Variants in SGCZ observed in about 807,000 individuals in gnomAD.
SGCZ encodes sarcoglycan zeta, also known as zeta-sarcoglycan.
SGCZ carries 40 observed loss-of-function variants against 41.3 expected under a neutral mutation model. That is an observed-to-expected ratio of 0.97 (90% CI 0.75 to 1.26). The LOEUF (loss-of-function observed/expected upper bound fraction) is 1.26, where lower values mean the gene tolerates loss of function less well. SGCZ is among the 50% of genes most tolerant of loss of function. SGCZ has a pLI of 0.00. For synonymous variants in SGCZ, 206 were observed against 137.5 expected, an observed-to-expected ratio of 1.50 and a Z score of -3.49; for missense variants, 552 against 369.8, an observed-to-expected ratio of 1.49 and a Z score of -4.04.
At chr8:14,165,504 G>A (rs1422079333) in intron 4 of SGCZ, 3 of 152,040 alleles carry the variant, frequency 2.0e-5, no homozygotes, top group African/African-American at 4.8e-5. Flanking sequence ...TGAGGAGGAA[G>A]AAATTTGAGA....
intron 1 of SGCZ, among the ~76,000 whole-genome samples, chr8:14,595,028 G>C (rs10101639): frequency 6.6e-6 from 1 of 150,546 alleles, no homozygotes; most frequent in Admixed American, 6.6e-5. Flanking sequence ...AAAATACTTC[G>C]TCTAATACTT....
intron 1 of SGCZ, among the ~76,000 whole-genome samples, chr8:14,624,730 C>A (rs1172625032): frequency 1.3e-5 from 2 of 151,456 alleles, no homozygotes; most frequent in African/African-American, 2.4e-5. Flanking sequence ...GCCACCACAC[C>A]CAGCTAATTT....
At chr8:14,561,019 G>T (rs141152988) in intron 1 of SGCZ, among the ~76,000 whole-genome samples, 1 of 151,992 alleles carries the variant, frequency 6.6e-6, no homozygotes, top group African/African-American at 2.4e-5. Flanking sequence ...GTAAGAAAAG[G>T]TTAGACTTTT....
intron 1 of SGCZ, among the ~76,000 whole-genome samples, chr8:15,103,597 G>T (rs1438841533): frequency 6.6e-6 from 1 of 152,060 alleles, no homozygotes; most frequent in East Asian, 1.9e-4. Flanking sequence ...TCTAAGCCAA[G>T]TCAAACTAGA....
At chr8:14,623,574 T>C (rs915418461) in intron 1 of SGCZ, among the ~76,000 whole-genome samples, 2 of 152,220 alleles carry the variant, frequency 1.3e-5, no homozygotes, top group Non-Finnish European at 2.9e-5. Flanking sequence ...TCAAAATCTA[T>C]TATTAATCTT....
At chr8:14,927,586 G>A (rs1374696955) in intron 1 of SGCZ, among the ~76,000 whole-genome samples, 1 of 152,018 alleles carries the variant, frequency 6.6e-6, no homozygotes, top group East Asian at 1.9e-4. Context: ...TTTTTAAAAA[G>A]AGAAAGGAAA....
intron 1 of SGCZ, among the ~76,000 whole-genome samples, chr8:14,986,037 A>G (rs1267171126): frequency 6.6e-6 from 1 of 151,854 alleles, no homozygotes; most frequent in Admixed American, 6.6e-5. Context: ...AACATTTTTA[A>G]GTTTGATATT....
At chr8:14,488,790 A>G (rs931990969) in intron 2 of SGCZ, among the ~76,000 whole-genome samples, 1 of 150,356 alleles carries the variant, frequency 6.7e-6, no homozygotes, top group Non-Finnish European at 1.5e-5. Flanking sequence ...CTTTCTCTTT[A>G]TTGCAATAAT....
In SGCZ at chr8:14,375,111, T is replaced by TAGACAGAC. The variant is rs77420529; in HGVS notation, c.235-50915_235-50908dup. Among the ~76,000 whole-genome samples the TAGACAGAC allele has an allele frequency of 3.5e-3, 527 of 150,254 alleles. 4 individuals carry two copies. The highest frequency in any genetic ancestry group is 0.01 in the African/African-American group (411 of 40,240). On this transcript the variant is annotated intron_variant, in intron 2 of 7. Coordinates refer to ENST00000382080, the MANE Select transcript of SGCZ (RefSeq NM_139167.4). ...AAAGGGGGACAATCAGATAGATAGA[T>TAGACAGAC]AGACAGACAGACAGACAGACAGACA...
intron 7 of SGCZ, among the ~76,000 whole-genome samples, chr8:14,097,936 A>G (rs1420018688): frequency 1.3e-5 from 2 of 151,724 alleles, no homozygotes; most frequent in African/African-American, 2.4e-5. Flanking sequence ...TGACTCTCCC[A>G]TTGCAGTTTT....
At chr8:15,004,190 A>C (rs928869918) in intron 1 of SGCZ, among the ~76,000 whole-genome samples, 10 of 152,164 alleles carry the variant, frequency 6.6e-5, no homozygotes, top group Non-Finnish European at 1.5e-4. Context: ...AAGGACGGCA[A>C]GAGGAGAAAG....
intron 1 of SGCZ, among the ~76,000 whole-genome samples, chr8:14,816,629 G>A (rs1801909639): frequency 6.6e-6 from 1 of 151,884 alleles, no homozygotes; most frequent in Non-Finnish European, 1.5e-5. Context: ...CTCTAGTTCA[G>A]TTGTTGGACT....
chr8:15,041,657 AAAT>A (rs1386856805), intron 1 of SGCZ, among the ~76,000 whole-genome samples: 6 of 152,118 alleles, frequency 3.9e-5, no homozygotes, highest in African/African-American at 1.4e-4. Context: ...CCTTAATAGA[AAAT>A]AAGAACAAAT....
intron 1 of SGCZ, among the ~76,000 whole-genome samples, chr8:14,703,431 A>G (rs186880056): frequency 6.6e-6 from 1 of 152,080 alleles, no homozygotes; most frequent in African/African-American, 2.4e-5. Flanking sequence ...GTGTCAGACC[A>G]TATGAGAGAT....
intron 3 of SGCZ, among the ~76,000 whole-genome samples, chr8:14,276,003 G>A (rs1800215281): frequency 6.6e-6 from 1 of 152,198 alleles, no homozygotes; most frequent in African/African-American, 2.4e-5. Flanking sequence ...CCAAGTCCTA[G>A]GGGACATATA....
intron 1 of SGCZ, among the ~76,000 whole-genome samples, chr8:15,114,537 T>C (rs895828103): frequency 2.6e-5 from 4 of 152,212 alleles, no homozygotes; most frequent in Non-Finnish European, 4.4e-5. Context: ...CACTATTTGA[T>C]TAACAAAAAT....
chr8:14,719,544 T>C (rs1429130580), intron 1 of SGCZ, among the ~76,000 whole-genome samples: 1 of 152,050 alleles, frequency 6.6e-6, no homozygotes, highest in Non-Finnish European at 1.5e-5. Context: ...ATGATTGTCA[T>C]TCTAACTGGT....
At position 14,825,745 on chromosome 8, in the gene SGCZ, C is replaced by A. The variant is rs775669066; in HGVS notation, c.40-270819G>T. Among the ~76,000 whole-genome samples, 5 of 152,050 alleles carry A rather than the reference C, an allele frequency of 3.3e-5. No homozygotes were observed. In the East Asian group the frequency reaches 9.7e-4, roughly 29 times the overall value. On this transcript the variant is annotated intron_variant, in intron 1 of 7. Coordinates refer to ENST00000382080, the MANE Select transcript of SGCZ (RefSeq NM_139167.4). ...CAGTGTCTGGTAACCACTGTTCTAC[C>A]GTCTATTCTATGAAATCAACTTTTT...
At chr8:14,822,062 A>G (rs1404144684) in intron 1 of SGCZ, among the ~76,000 whole-genome samples, 1 of 144,606 alleles carries the variant, frequency 6.9e-6, no homozygotes, top group Admixed American at 6.9e-5. Flanking sequence ...AATATAAAAA[A>G]CCCTAAAGAT....
Sources: gnomAD v4.1 joint callset for allele counts (sites outside exome capture counted in the v4.1 genomes callset) on GRCh38, gnomAD v4.1.1 for gene constraint, MANE v1.5 for transcripts, NCBI Gene and HGNC (gene_info 2026-07-23, HGNC 2026-07-21) for gene names.